Variants in LPGAT1 observed in about 807,000 individuals in gnomAD.
LPGAT1 encodes lysophosphatidylglycerol acyltransferase 1.
Under a neutral mutation model 47.5 loss-of-function variants are expected in LPGAT1, and 11 were observed. The observed-to-expected ratio is 0.23, with a 90% CI of 0.15 to 0.38. LPGAT1 has a LOEUF of 0.38. Ranked by LOEUF, LPGAT1 falls within the 10% of genes least tolerant of loss-of-function variation. The probability of loss-of-function intolerance (pLI) is 1.00; values close to 1 mark genes in which losing one functional copy is unlikely to be tolerated. For synonymous variants in LPGAT1, 138 were observed against 144.2 expected (o/e 0.96, Z 0.31); for missense variants, 293 against 439.0 (o/e 0.67, Z 2.97).
intron 2 of LPGAT1, among the ~76,000 whole-genome samples, chr1:211,820,161 C>T (rs540351413): frequency 9.7e-4 from 147 of 152,200 alleles, no homozygotes; most frequent in African/African-American, 3.3e-3. Context: ...GAGAAACACA[C>T]CCAGGTGTCA....
At chr1:211,759,806 C>T (rs1403859896) in intron 6 of LPGAT1, among the ~76,000 whole-genome samples, 3 of 152,142 alleles carry the variant, frequency 2.0e-5, no homozygotes, top group African/African-American at 7.2e-5. Context: ...TACTGATAAA[C>T]AGTTTCTCAT....
chr1:211,830,117 C>A lies in LPGAT1; in HGVS notation c.-28+456G>T, dbSNP rs1205159317. On this transcript the variant is annotated intron_variant, in intron 1 of 7. Coordinates refer to ENST00000366997, the MANE Select transcript of LPGAT1 (RefSeq NM_014873.3). This position sits in a 1 kb window ranked among gnomAD's most constrained non-coding sequence, Gnocchi z 5.9. ...ACCGCAGCGCGGGGAGCCGGTGGAG[C>A]CTGCAGCGGTTTCCGCGGATGTGGA... is the stretch of plus-strand genomic sequence containing the variant. 5.1e-6 allele frequency: 5 copies of A among 984,284 alleles called. No homozygotes were observed. The East Asian group carries it at 4.6e-4, about 90-fold the overall frequency. The allele number at this position is 984,284 out of a possible 1,614,324, so 61.0% of individuals were successfully genotyped here.
At chr1:211,790,999 C>A (rs553828161) in intron 3 of LPGAT1, among the ~76,000 whole-genome samples, 1 of 152,012 alleles carries the variant, frequency 6.6e-6, no homozygotes, top group Non-Finnish European at 1.5e-5. Flanking sequence ...ACTAGTTTTG[C>A]AAAATTTTAA....
At chr1:211,805,295 C>A (rs945999777) in intron 2 of LPGAT1, among the ~76,000 whole-genome samples, 12 of 152,080 alleles carry the variant, frequency 7.9e-5, no homozygotes, top group African/African-American at 2.7e-4. Context: ...TCCTGATAAA[C>A]CCATCGTAAG....
chr1:211,759,437 G>C (rs1238079662), intron 6 of LPGAT1, among the ~76,000 whole-genome samples: 2 of 151,990 alleles, frequency 1.3e-5, no homozygotes, highest in African/African-American at 4.8e-5. Context: ...TTTCATTCTT[G>C]ATATTGGTAA....
At position 211,746,307 on chromosome 1, in the gene LPGAT1, C is replaced by T. The variant is rs1484582457; in HGVS notation, c.*3592G>A. 6.6e-6 allele frequency: 1 copy of T among 152,574 alleles called. No homozygotes were observed. Among genetic ancestry groups the T allele is most frequent in the East Asian group, 1.9e-4 (1 of 5,200 alleles). 9.5% of individuals were successfully genotyped at this position (152,574 alleles called of 1,614,324 possible). On this transcript the variant is annotated 3_prime_UTR_variant, in exon 8 of 8. Coordinates refer to ENST00000366997, the MANE Select transcript of LPGAT1 (RefSeq NM_014873.3). ...TTCAGATTTCATTTTCATAAAAAGG[C>T]TTGAGAACAATGCCAATACTGCCAA... is the stretch of plus-strand genomic sequence containing the variant.
intron 7 of LPGAT1, 128 bp from the exon 8 acceptor site, chr1:211,750,178 G>T: frequency 1.3e-6 from 1 of 753,754 alleles, no homozygotes; most frequent in Non-Finnish European, 2.2e-6. Context: ...CAGTGCCCCA[G>T]AGGAGAGATT....
chr1:211,771,382 T>A (rs1658162860), intron 6 of LPGAT1, among the ~76,000 whole-genome samples: 2 of 152,214 alleles, frequency 1.3e-5, no homozygotes, highest in Admixed American at 1.3e-4. Context: ...AAGTGACACA[T>A]GACTGTATAC....
intron 2 of LPGAT1, among the ~76,000 whole-genome samples, chr1:211,797,883 T>G (rs1659411640): frequency 1.3e-5 from 2 of 152,114 alleles, no homozygotes; most frequent in African/African-American, 4.8e-5. Flanking sequence ...GAGGAAAAAT[T>G]TTCTAATTGT....
At chr1:211,781,658 T>G (rs1658649075) in intron 5 of LPGAT1, among the ~76,000 whole-genome samples, 2 of 152,200 alleles carry the variant, frequency 1.3e-5, no homozygotes, top group African/African-American at 4.8e-5. Flanking sequence ...AAAAACACAT[T>G]GTTTCTGAGG....
At chr1:211,797,315 T>TTC (rs1553311225) in intron 2 of LPGAT1, among the ~76,000 whole-genome samples, 82 of 146,034 alleles carry the variant, frequency 5.6e-4, no homozygotes, top group African/African-American at 1.9e-3. Context: ...CCTTTTCTTT[T>TTC]TTTTTTTTTT....
At chr1:211,815,481 G>A (rs902237662) in intron 2 of LPGAT1, among the ~76,000 whole-genome samples, 2 of 152,054 alleles carry the variant, frequency 1.3e-5, no homozygotes, top group Admixed American at 1.3e-4. Flanking sequence ...ACCTGATAAG[G>A]TGAGAATCTT....
chr1:211,750,720 A>G (rs1429491223), intron 7 of LPGAT1, among the ~76,000 whole-genome samples: 1 of 152,242 alleles, frequency 6.6e-6, no homozygotes, highest in Non-Finnish European at 1.5e-5. Flanking sequence ...GGAATGCTAG[A>G]TAACTTCATA....
intron 6 of LPGAT1, among the ~76,000 whole-genome samples, chr1:211,764,141 C>T (rs973511338): frequency 3.3e-5 from 5 of 149,768 alleles, no homozygotes; most frequent in Non-Finnish European, 7.4e-5. Context: ...CACTGCACTG[C>T]AGCCTAGGCG....
rs1029741725 is a variant in LPGAT1, at chr1:211,813,240, G to T, written c.238+15819C>A. ...TCTCTTGGGGTTCAACTCTACGAAT[G>T]CATTAAAAGGAAGTGATTCCCAAAC... On this transcript the variant is annotated intron_variant, in intron 2 of 7. Coordinates refer to ENST00000366997, the MANE Select transcript of LPGAT1 (RefSeq NM_014873.3). 3.9e-5 allele frequency among the ~76,000 whole-genome samples: 6 copies of T among 152,192 alleles called. No homozygotes were observed. In the East Asian group the frequency reaches 1.2e-3, roughly 29 times the overall value.
chr1:211,774,850 A>C (rs1056014084), intron 6 of LPGAT1, among the ~76,000 whole-genome samples: 6 of 152,230 alleles, frequency 3.9e-5, no homozygotes, highest in Admixed American at 6.5e-5. Context: ...TATTTAAAAT[A>C]AGTTATTACA....
chr1:211,750,129 A>T, intron 7 of LPGAT1, 79 bp from the exon 8 acceptor site: 1 of 1,275,608 alleles, frequency 7.8e-7, no homozygotes, highest in Non-Finnish European at 1.1e-6. Context: ...TATTAGCTTA[A>T]CTACATTTGT....
intron 2 of LPGAT1, among the ~76,000 whole-genome samples, chr1:211,821,156 T>C (rs1204207958): frequency 2.0e-5 from 3 of 152,194 alleles, no homozygotes; most frequent in Non-Finnish European, 4.4e-5. Flanking sequence ...ATTGGGAGGC[T>C]GAGGCAGGAC....
rs904653273 is a variant in LPGAT1 at position 211,795,811 on chromosome 1, C to T, written c.239-2621G>A. Among the ~76,000 whole-genome samples, 7 of 152,236 alleles carry T rather than the reference C, an allele frequency of 4.6e-5. No individual in the cohort carries two copies. In the South Asian group the frequency reaches 8.3e-4, roughly 18 times the overall value. ...CATGCACAACATTCTTTCATTAATACAATCTTCATTCAATAAATCAGCATC... is the reference window on the plus strand; with the variant it reads ...CATGCACAACATTCTTTCATTAATATAATCTTCATTCAATAAATCAGCATC... On this transcript the variant is annotated intron_variant, in intron 2 of 7. Transcript: ENST00000366997.
Sources: gnomAD v4.1 joint callset for allele counts (sites outside exome capture counted in the v4.1 genomes callset) on GRCh38, gnomAD v4.1.1 for gene constraint, Gnocchi (gnomAD v3.1) non-coding constraint, MANE v1.5 for transcripts, NCBI Gene and HGNC (gene_info 2026-07-23, HGNC 2026-07-21) for gene names.